PCDH9: variants seen among roughly 807,000 people sequenced by gnomAD.
PCDH9 encodes protocadherin-9.
PCDH9 carries 24 observed loss-of-function variants against 70.6 expected under a neutral mutation model. That is an observed-to-expected ratio of 0.34 (90% CI 0.25 to 0.48). PCDH9 has a LOEUF of 0.48. PCDH9 is among the 20% of genes least tolerant of loss of function. PCDH9 has a pLI of 0.99. For synonymous variants in PCDH9, 562 were observed against 558.5 expected (o/e 1.01, Z -0.09); for missense variants, 1,281 against 1,503.6 (o/e 0.85, Z 2.45).
intron 2 of PCDH9, among the ~76,000 whole-genome samples, chr13:67,150,051 T>C (rs2087618838): frequency 6.6e-6 from 1 of 152,166 alleles, no homozygotes; most frequent in Non-Finnish European, 1.5e-5. Context: ...ATTTATTTTA[T>C]TTTTATTTTT....
At chr13:67,104,803 C>G (rs970736078) in intron 2 of PCDH9, among the ~76,000 whole-genome samples, 4 of 152,208 alleles carry the variant, frequency 2.6e-5, no homozygotes, top group African/African-American at 4.8e-5. Flanking sequence ...CCCACCTCAG[C>G]CTCCCAAAGT....
intron 3 of PCDH9, among the ~76,000 whole-genome samples, chr13:66,781,237 G>T (rs1436224699): frequency 6.6e-6 from 1 of 152,096 alleles, no homozygotes; most frequent in East Asian, 1.9e-4. Context: ...TACTCAAACA[G>T]AAAATGACTT....
At position 66,512,993 on chromosome 13, in the gene PCDH9, A is replaced by AT. The variant is rs1420024824; in HGVS notation, c.3340+118216dup. On this transcript the variant is annotated intron_variant, in intron 4 of 4. Coordinates refer to ENST00000377865, the MANE Select transcript of PCDH9 (RefSeq NM_203487.3). ...ACAAGCACACACAGCTAGTTTTTGT[A>AT]TTTTTTGTAGAGATGGGGTTTTGCC... 2.6e-5 allele frequency among the ~76,000 whole-genome samples: 4 copies of AT among 151,848 alleles called. No individual in the cohort carries two copies. The East Asian group carries it at 7.8e-4, about 30-fold the overall frequency.
intron 4 of PCDH9, among the ~76,000 whole-genome samples, chr13:66,490,612 T>C (rs1959018707): frequency 6.6e-6 from 1 of 152,230 alleles, no homozygotes; most frequent in Non-Finnish European, 1.5e-5. Flanking sequence ...TCAGATCAAT[T>C]CGTAATGTTT....
At chr13:66,476,830 A>T (rs1958740224) in intron 4 of PCDH9, among the ~76,000 whole-genome samples, 1 of 152,078 alleles carries the variant, frequency 6.6e-6, no homozygotes, top group Non-Finnish European at 1.5e-5. Context: ...TGTTAACATG[A>T]TGGTACTAAT....
chr13:66,481,323 G>T (rs888922518), intron 4 of PCDH9, among the ~76,000 whole-genome samples: 6 of 148,176 alleles, frequency 4.0e-5, no homozygotes, highest in African/African-American at 7.5e-5. Context: ...AAAAGAAACT[G>T]CCATGGCCAC....
chr13:67,169,418 G>T (rs533090198), intron 2 of PCDH9, among the ~76,000 whole-genome samples: 1 of 151,946 alleles, frequency 6.6e-6, no homozygotes. Context: ...TACAAAATTC[G>T]TTCCAATTTT....
In PCDH9 at chr13:66,385,519, T is replaced by A. The variant is rs145331789; in HGVS notation, c.3341-80491A>T. On this transcript the variant is annotated intron_variant, in intron 4 of 4. Coordinates refer to ENST00000377865, the MANE Select transcript of PCDH9 (RefSeq NM_203487.3). ...ACTCATAAAATGCCCCCTTTTCCCA[T>A]TCCAGCCCCACAAATTAACCAGAGT... is the stretch of plus-strand genomic sequence containing the variant. Among the ~76,000 whole-genome samples, 1,220 of 152,258 alleles carry A rather than the reference T, an allele frequency of 8.0e-3. 16 individuals carry two copies. Among genetic ancestry groups the A allele is most frequent in the African/African-American group, 0.027 (1,139 of 41,556 alleles).
chr13:67,083,005 A>G (rs2086017151), intron 2 of PCDH9, among the ~76,000 whole-genome samples: 1 of 152,182 alleles, frequency 6.6e-6, no homozygotes, highest in Non-Finnish European at 1.5e-5. Context: ...AGACCACATA[A>G]GTATTCAAAT....
At chr13:66,399,988 C>T (rs1002089166) in intron 4 of PCDH9, among the ~76,000 whole-genome samples, 10 of 152,070 alleles carry the variant, frequency 6.6e-5, no homozygotes, top group Non-Finnish European at 8.8e-5. Flanking sequence ...GAGAAGAAAT[C>T]CAGGCTTCAT....
intron 4 of PCDH9, among the ~76,000 whole-genome samples, chr13:66,531,623 T>C (rs2138633973): frequency 6.6e-6 from 1 of 152,278 alleles, no homozygotes; most frequent in East Asian, 1.9e-4. Flanking sequence ...TAATATTGAT[T>C]ATGCTTTGAA....
Position 66,400,649 on chromosome 13 carries a change from G to A in PCDH9, c.3341-95621C>T, listed in dbSNP as rs118064700. ...AGGCTATCTATTCTACAGGTAGGCT[G>A]AAGTGGGCTAATTTAATGGATAAAG... On this transcript the variant is annotated intron_variant, in intron 4 of 4. Coordinates refer to ENST00000377865, the MANE Select transcript of PCDH9 (RefSeq NM_203487.3). Among the ~76,000 whole-genome samples the A allele has an allele frequency of 1.5e-3, 226 of 152,324 alleles. 4 individuals are homozygous for A. In the East Asian group the frequency reaches 0.04, roughly 27 times the overall value.
At chr13:67,030,496 C>G (rs2084883394) in intron 2 of PCDH9, among the ~76,000 whole-genome samples, 1 of 151,950 alleles carries the variant, frequency 6.6e-6, no homozygotes, top group Non-Finnish European at 1.5e-5. Context: ...CACCGACCCC[C>G]ACCAACACAC....
intron 3 of PCDH9, among the ~76,000 whole-genome samples, chr13:66,809,345 T>G (rs976104204): frequency 1.3e-5 from 2 of 152,168 alleles, no homozygotes; most frequent in East Asian, 3.8e-4. Context: ...TATAGAAAAT[T>G]TTGTTTAAAT....
intron 4 of PCDH9, among the ~76,000 whole-genome samples, chr13:66,543,646 C>T (rs1407889964): frequency 6.6e-6 from 1 of 151,768 alleles, no homozygotes; most frequent in Admixed American, 6.6e-5. Context: ...AGTGAATATT[C>T]ACCACTGTAA....
intron 4 of PCDH9, among the ~76,000 whole-genome samples, chr13:66,622,032 C>G (rs963235007): frequency 6.6e-6 from 1 of 152,220 alleles, no homozygotes; most frequent in Non-Finnish European, 1.5e-5. Context: ...TGGTGGGCCC[C>G]GCACTCGGAG....
chr13:66,751,746 T>G (rs1436400284), intron 3 of PCDH9, among the ~76,000 whole-genome samples: 1 of 152,160 alleles, frequency 6.6e-6, no homozygotes, highest in Non-Finnish European at 1.5e-5. Context: ...GAAATAAACT[T>G]TTAATTTTGG....
At position 67,183,032 on chromosome 13, in the gene PCDH9, A is replaced by C. The variant is rs551865134; in HGVS notation, c.3036+42373T>G. ...AGGAATAATTGTAATTAATTAATCT[A>C]TAGATTGTAAGGATTTCTATGACTG... On this transcript the variant is annotated intron_variant, in intron 2 of 4. Transcript: ENST00000377865. Among the ~76,000 whole-genome samples, 15 of 152,306 alleles carry C rather than the reference A, an allele frequency of 9.8e-5. No homozygotes were observed. In the South Asian group the frequency reaches 2.7e-3, roughly 27 times the overall value.
At chr13:66,977,497 G>C (rs563731878) in intron 2 of PCDH9, 1 of 152,200 alleles carries the variant, frequency 6.6e-6, no homozygotes, top group African/African-American at 2.4e-5. Flanking sequence ...TTAAGATTCT[G>C]TTGTCTTAAA....
Sources: allele counts gnomAD v4.1 joint callset (sites outside exome capture counted in the v4.1 genomes callset), GRCh38; gene constraint gnomAD v4.1.1; transcripts MANE v1.5; gene names NCBI Gene and HGNC (gene_info 2026-07-23, HGNC 2026-07-21).